Variants in OR5AK2 observed in about 807,000 individuals in gnomAD.
OR5AK2 encodes olfactory receptor 5AK2.
For synonymous variants in OR5AK2, 176 were observed against 128.2 expected (o/e 1.37, Z -2.52); for missense variants, 438 against 366.3 (o/e 1.20, Z -1.60).
In OR5AK2 at chr11:56,989,414, C is replaced by A. The variant is rs767925556; in HGVS notation, c.501C>A (p.Ser167=). 2.7e-5 allele frequency: 44 copies of A among 1,614,004 alleles called. No individual in the cohort carries two copies. The highest frequency in any genetic ancestry group is 3.6e-5 in the Non-Finnish European group (42 of 1,179,992). ...AAACAGGTTTTACATGTTCACTGTC[C>A]TTCTGCAAGTCCAATAGCATCAATC... ...SVQTGFTCSL[S]FCKSNSINHF... is the part of the protein sequence containing the mutation. The change falls in exon 1 of 1, where the codon TCC becomes TCA. Residue 167 remains serine (S), a synonymous_variant. Transcript: ENST00000326855.
rs907387035 is a variant in OR5AK2, at chr11:56,989,825, A to G, written c.912A>G (p.Ile304Met). The G allele has an allele frequency of 6.3e-7, 1 of 1,583,694 alleles. No individual in the cohort carries two copies. Among genetic ancestry groups the G allele is most frequent in the Non-Finnish European group, 8.6e-7 (1 of 1,163,526 alleles). The change falls in exon 1 of 1, where the codon ATA becomes ATG. Residue 304 changes from isoleucine (I) to methionine (M), a missense_variant. Transcript: ENST00000326855. ...AAGTAAAAGAAGCTTTAAAAGTGAT[A>G]GGGAAAAAGTTATTTTAAATCAGCC... ...NKEVKEALKV[I>M]GKKLF
Position 56,989,495 on chromosome 11 carries a change from C to A in OR5AK2, c.582C>A (p.Ile194=). ...ILALSCSNVD[I]NIMLLVVFVG... The stretch of plus-strand genomic sequence containing the variant: ...CTCTTTCATGCTCCAATGTTGACAT[C>A]AACATCATGCTACTTGTTGTCTTTG... Residue 194 remains isoleucine (I), a synonymous_variant, in exon 1 of 1, where the codon ATC becomes ATA. Transcript: ENST00000326855. The A allele has an allele frequency of 6.2e-7, 1 of 1,614,098 alleles. No homozygotes were observed. Among genetic ancestry groups the A allele is most frequent in the Non-Finnish European group, 8.5e-7 (1 of 1,179,936 alleles).
chr11:56,989,152 A>T lies in OR5AK2; in HGVS notation c.239A>T (p.Lys80Met). 1 of 1,613,920 alleles carries T rather than the reference A, an allele frequency of 6.2e-7. No homozygotes were observed. Among genetic ancestry groups the T allele is most frequent in the South Asian group, 1.1e-5 (1 of 91,078 alleles). Residue 80 changes from lysine (K) to methionine (M), a missense_variant, in exon 1 of 1, where the codon AAG (lysine) becomes ATG (methionine). Lys to Met is a moderately conservative substitution (Grantham distance 95, BLOSUM62 -1). Transcript: ENST00000326855. ...DICYTSAITP[K>M]MLQSFTEEKN... ...TGTTACACTTCTGCTATCACTCCCA[A>T]GATGCTCCAAAGCTTCACAGAAGAA...
chr11:56,988,967 T>G lies in OR5AK2; in HGVS notation c.54T>G (p.Gly18=), dbSNP rs147176454. ...CTGAATTCTATCTTCTGGGATTTGGTGCCCAGCATGAGTTTTGGTGTATCC... is the reference window on the plus strand; with the variant it reads ...CTGAATTCTATCTTCTGGGATTTGGGGCCCAGCATGAGTTTTGGTGTATCC... ...EVTEFYLLGF[G]AQHEFWCILF... Residue 18 remains glycine, a synonymous_variant, in exon 1 of 1, where the codon GGT becomes GGG. Transcript: ENST00000326855. The G allele has an allele frequency of 1.2e-6, 2 of 1,613,428 alleles. No homozygotes were observed. Among genetic ancestry groups the G allele is most frequent in the African/African-American group, 1.3e-5 (1 of 74,922 alleles).
chr11:56,989,433 A>G lies in OR5AK2; in HGVS notation c.520A>G (p.Ile174Val). 2 of 1,614,152 alleles carry G rather than the reference A, an allele frequency of 1.2e-6. No homozygotes were observed. The highest frequency in any genetic ancestry group is 2.2e-5 in the South Asian group (2 of 91,086). ...CSLSFCKSNS[I>V]NHFFCDVPPI... ...ACTGTCCTTCTGCAAGTCCAATAGCATCAATCACTTTTTCTGTGATGTTCC... is the reference window on the plus strand; with the variant it reads ...ACTGTCCTTCTGCAAGTCCAATAGCGTCAATCACTTTTTCTGTGATGTTCC... The change falls in exon 1 of 1, where the codon ATC becomes GTC. Residue 174 changes from isoleucine (I) to valine (V), a missense_variant. Coordinates refer to ENST00000326855, the MANE Select transcript of OR5AK2 (RefSeq NM_001005323.1).
rs2135227484 is a variant in OR5AK2 at position 56,989,754 on chromosome 11, G to A, written c.841G>A (p.Val281Ile). 2 of 1,612,274 alleles carry A rather than the reference G, an allele frequency of 1.2e-6. No homozygotes were observed. The highest frequency in any genetic ancestry group is 8.5e-7 in the Non-Finnish European group (1 of 1,178,418). The change falls in exon 1 of 1, where the codon GTT (valine) becomes ATT (isoleucine). Residue 281 changes from valine (V) to isoleucine (I), a missense_variant. Coordinates refer to ENST00000326855, the MANE Select transcript of OR5AK2 (RefSeq NM_001005323.1). ...AGTGGCCTTTATATTTTATGGCACA[G>A]TTATTCCCATGTTAAATCCTTTAAT... Reference protein sequence around the residue: ...MKVAFIFYGTVIPMLNPLIYS... With the variant: ...MKVAFIFYGTIIPMLNPLIYS...
At position 56,989,106 on chromosome 11, in the gene OR5AK2, C is replaced by T. The variant is rs181842545; in HGVS notation, c.193C>T (p.His65Tyr). The T allele has an allele frequency of 1.4e-5, 22 of 1,613,874 alleles. No homozygotes were observed. The African/African-American group carries it at 2.3e-4, about 17-fold the overall frequency. The change falls in exon 1 of 1, where the codon CAT becomes TAT. Residue 65 changes from histidine to tyrosine, a missense_variant. Transcript: ENST00000326855. ...AACACTCACGTACTTTTTTCTACAA[C>T]ATTTGGCTTTTGTTGATATCTGTTA... is the stretch of plus-strand genomic sequence containing the variant. ...FQTLTYFFLQ[H>Y]LAFVDICYTS...
rs1214244797 is a variant in OR5AK2, at chr11:56,989,079, C to G, written c.166C>G (p.Gln56Glu). 1.9e-6 allele frequency: 3 copies of G among 1,614,052 alleles called. No individual in the cohort carries two copies. Among genetic ancestry groups the G allele is most frequent in the Non-Finnish European group, 2.5e-6 (3 of 1,179,930 alleles). Residue 56 changes from glutamine (Q) to glutamate (E), a missense_variant, in exon 1 of 1, where the codon CAA (glutamine) becomes GAA (glutamate). By Grantham distance (29) the Gln-to-Glu change is conservative. Transcript: ENST00000326855. ...ILLINTDSRFQTLTYFFLQHL... is the reference protein window; with the variant it reads ...ILLINTDSRFETLTYFFLQHL... ...ACTCATCAACACAGATTCCAGATTT[C>G]AAACACTCACGTACTTTTTTCTACA...
Position 56,989,189 on chromosome 11 carries a change from G to A in OR5AK2, c.276G>A (p.Met92Ile), listed in dbSNP as rs2853083. 1,007,976 of 1,613,098 alleles carry A rather than the reference G, an allele frequency of 0.62. 319,150 individuals are homozygous for A. Among genetic ancestry groups the A allele is most frequent in the African/African-American group, 0.9 (67,723 of 75,016 alleles). Residue 92 changes from methionine to isoleucine, a missense_variant, in exon 1 of 1, where the codon ATG becomes ATA. Coordinates refer to ENST00000326855, the MANE Select transcript of OR5AK2 (RefSeq NM_001005323.1). ...GCTTCACAGAAGAAAAGAATTTGAT[G>A]TTATTTCAGGGCTGTGTGATACAAT... ...LQSFTEEKNLMLFQGCVIQFL... is the reference protein window; with the variant it reads ...LQSFTEEKNLILFQGCVIQFL...
rs192607423 is a variant in OR5AK2, at chr11:56,988,949, C to T, written c.36C>T (p.Phe12=). 1.3e-4 allele frequency: 204 copies of T among 1,612,252 alleles called. 1 individual carries two copies. The highest frequency in any genetic ancestry group is 7.1e-4 in the South Asian group (64 of 90,698). The change falls in exon 1 of 1, where the codon TTC becomes TTT. Residue 12 remains phenylalanine, a synonymous_variant. Transcript: ENST00000326855. ...GAAACAGCACTGAAGTCACTGAATT[C>T]TATCTTCTGGGATTTGGTGCCCAGC... ...TLGNSTEVTE[F]YLLGFGAQHE...
At position 56,989,446 on chromosome 11, in the gene OR5AK2, T is replaced by G. The variant is rs1861650278; in HGVS notation, c.533T>G (p.Phe178Cys). The G allele has an allele frequency of 6.2e-7, 1 of 1,614,070 alleles. No homozygotes were observed. The highest frequency in any genetic ancestry group is 8.5e-7 in the Non-Finnish European group (1 of 1,180,016). Reference protein sequence around the residue: ...FCKSNSINHFFCDVPPILALS... With the variant: ...FCKSNSINHFCCDVPPILALS... The stretch of plus-strand genomic sequence containing the variant: ...AAGTCCAATAGCATCAATCACTTTT[T>G]CTGTGATGTTCCCCCTATTCTTGCT... Residue 178 changes from phenylalanine (F) to cysteine (C), a missense_variant, in exon 1 of 1, where the codon TTC becomes TGC. By Grantham distance (205) the Phe-to-Cys change is radical (BLOSUM62 -2). Transcript: ENST00000326855.
Position 56,989,198 on chromosome 11 carries a change from G to A in OR5AK2, c.285G>A (p.Gln95=), listed in dbSNP as rs1185884553. The change falls in exon 1 of 1, where the codon CAG becomes CAA. Residue 95 remains glutamine (Q), a synonymous_variant. Transcript: ENST00000326855. ...FTEEKNLMLF[Q]GCVIQFLVYA... ...AAGAAAAGAATTTGATGTTATTTCA[G>A]GGCTGTGTGATACAATTCTTAGTTT... The A allele has an allele frequency of 3.1e-6, 5 of 1,614,112 alleles. No individual in the cohort carries two copies. Among genetic ancestry groups the A allele is most frequent in the Non-Finnish European group, 4.2e-6 (5 of 1,180,006 alleles).
Position 56,989,812 on chromosome 11 carries a change from C to T in OR5AK2, c.899C>T (p.Ala300Val). The change falls in exon 1 of 1, where the codon GCT becomes GTT. Residue 300 changes from alanine (A) to valine (V), a missense_variant. Transcript: ENST00000326855. ...YSLRNKEVKE[A>V]LKVIGKKLF ...TTGAGAAATAAGGAAGTAAAAGAAGCTTTAAAAGTGATAGGGAAAAAGTTA... is the reference window on the plus strand; with the variant it reads ...TTGAGAAATAAGGAAGTAAAAGAAGTTTTAAAAGTGATAGGGAAAAAGTTA... The T allele has an allele frequency of 1.3e-6, 2 of 1,595,530 alleles. No individual in the cohort carries two copies.
At position 56,988,950 on chromosome 11, in the gene OR5AK2, T is replaced by C; in HGVS notation, c.37T>C (p.Tyr13His). ...LGNSTEVTEF[Y>H]LLGFGAQHEF... ...AAACAGCACTGAAGTCACTGAATTC[T>C]ATCTTCTGGGATTTGGTGCCCAGCA... The change falls in exon 1 of 1, where the codon TAT becomes CAT. Residue 13 changes from tyrosine (Y) to histidine (H), a missense_variant. Coordinates refer to ENST00000326855, the MANE Select transcript of OR5AK2 (RefSeq NM_001005323.1). The C allele has an allele frequency of 6.2e-7, 1 of 1,612,514 alleles. No homozygotes were observed. The highest frequency in any genetic ancestry group is 1.3e-5 in the African/African-American group (1 of 75,016).
rs759801348 is a variant in OR5AK2, at chr11:56,989,776, T to C, written c.863T>C (p.Leu288Ser). Residue 288 changes from leucine to serine, a missense_variant, in exon 1 of 1, where the codon TTA becomes TCA. Physicochemically the swap from Leu to Ser is moderately radical, Grantham distance 145. Transcript: ENST00000326855. ...ACAGTTATTCCCATGTTAAATCCTT[T>C]AATCTATAGCTTGAGAAATAAGGAA... ...YGTVIPMLNP[L>S]IYSLRNKEVK... 1 of 1,611,212 alleles carries C rather than the reference T, an allele frequency of 6.2e-7. No homozygotes were observed. The highest frequency in any genetic ancestry group is 8.5e-7 in the Non-Finnish European group (1 of 1,178,012).
rs1198923992 is a variant in OR5AK2, at chr11:56,989,328, A to G, written c.415A>G (p.Thr139Ala). The G allele has an allele frequency of 1.9e-6, 3 of 1,614,026 alleles. No individual in the cohort carries two copies. The highest frequency in any genetic ancestry group is 2.2e-5 in the East Asian group (1 of 44,896). The change falls in exon 1 of 1, where the codon ACA becomes GCA. Residue 139 changes from threonine to alanine, a missense_variant. Coordinates refer to ENST00000326855, the MANE Select transcript of OR5AK2 (RefSeq NM_001005323.1). The part of the protein sequence containing the change: ...PLHYTVIMSR[T>A]VCIRLVAGSY... ...TCACTATACTGTAATCATGTCCCGA[A>G]CAGTCTGCATCCGTTTGGTAGCTGG... is the stretch of plus-strand genomic sequence containing the variant.
chr11:56,989,777 A>C lies in OR5AK2; in HGVS notation c.864A>C (p.Leu288Phe), dbSNP rs767694663. ...CAGTTATTCCCATGTTAAATCCTTTAATCTATAGCTTGAGAAATAAGGAAG... is the reference window on the plus strand; with the variant it reads ...CAGTTATTCCCATGTTAAATCCTTTCATCTATAGCTTGAGAAATAAGGAAG... ...YGTVIPMLNP[L>F]IYSLRNKEVK... The change falls in exon 1 of 1, where the codon TTA (leucine) becomes TTC (phenylalanine). Residue 288 changes from leucine (L) to phenylalanine (F), a missense_variant. Physicochemically the swap from Leu to Phe is conservative, Grantham distance 22. Coordinates refer to ENST00000326855, the MANE Select transcript of OR5AK2 (RefSeq NM_001005323.1). 1 of 1,610,156 alleles carries C rather than the reference A, an allele frequency of 6.2e-7. No individual in the cohort carries two copies. The highest frequency in any genetic ancestry group is 2.2e-5 in the East Asian group (1 of 44,854).
Position 56,989,380 on chromosome 11 carries a change from C to T in OR5AK2, c.467C>T (p.Ala156Val). Residue 156 changes from alanine (A) to valine (V), a missense_variant, in exon 1 of 1, where the codon GCC (alanine) becomes GTC (valine). Coordinates refer to ENST00000326855, the MANE Select transcript of OR5AK2 (RefSeq NM_001005323.1). ...AGSYIMGSIN[A>V]SVQTGFTCSL... ...TCATACATCATGGGCTCAATAAATGCCTCTGTACAAACAGGTTTTACATGT... is the reference window on the plus strand; with the variant it reads ...TCATACATCATGGGCTCAATAAATGTCTCTGTACAAACAGGTTTTACATGT... 3.1e-6 allele frequency: 5 copies of T among 1,614,056 alleles called. No homozygotes were observed. Among genetic ancestry groups the T allele is most frequent in the Non-Finnish European group, 4.2e-6 (5 of 1,179,934 alleles).
chr11:56,989,680 C>G lies in OR5AK2; in HGVS notation c.767C>G (p.Ser256Cys), dbSNP rs1363025680. 1 of 1,614,076 alleles carries G rather than the reference C, an allele frequency of 6.2e-7. No individual in the cohort carries two copies. The highest frequency in any genetic ancestry group is 2.2e-5 in the East Asian group (1 of 44,880). The change falls in exon 1 of 1, where the codon TCT (serine) becomes TGT (cysteine). Residue 256 changes from serine to cysteine, a missense_variant. By Grantham distance (112) the Ser-to-Cys change is moderately radical (BLOSUM62 -1). Coordinates refer to ENST00000326855, the MANE Select transcript of OR5AK2 (RefSeq NM_001005323.1). ...GTCACCATTTTCTATGGGACACTCT[C>G]TTACATGTATTTGCAGTCTCATTCT... ...TAVTIFYGTL[S>C]YMYLQSHSNN...
Sources: gnomAD v4.1 joint callset for allele counts on GRCh38, gnomAD v4.1.1 for gene constraint, MANE v1.5 for transcripts, NCBI Gene and HGNC (gene_info 2026-07-23, HGNC 2026-07-21) for gene names.